PRELID2: variants seen among roughly 807,000 people sequenced by gnomAD.
The protein encoded by PRELID2 is PRELI domain-containing protein 2.
A neutral mutation model predicts 28.4 loss-of-function variants in PRELID2; 25 were observed. The ratio of observed to expected loss-of-function variants is 0.88; its 90% CI spans 0.64 to 1.23. The LOEUF is 1.23. Ranked by LOEUF, PRELID2 falls within the 50% of genes most tolerant of loss-of-function variation. The pLI, the probability that PRELID2 is intolerant of heterozygous loss-of-function variation, is 0.00. For synonymous variants in PRELID2, 76 were observed against 71.6 expected (o/e 1.06, Z -0.31); for missense variants, 201 against 214.4 (o/e 0.94, Z 0.39).
chr5:145,503,117 T>G (rs1752374241), intron 1 of PRELID2, among the ~76,000 whole-genome samples: 1 of 152,082 alleles, frequency 6.6e-6, no homozygotes, highest in African/African-American at 2.4e-5. Context: ...GCTGGGAGAT[T>G]AGTGATAGCA....
At chr5:145,407,887 C>T in the PRELID2 span, among the ~76,000 whole-genome samples, 1 of 152,194 alleles carries the variant, frequency 6.6e-6, no homozygotes, top group Non-Finnish European at 1.5e-5. Context: ...AGGACTCCCA[C>T]AGAGTACACT....
chr5:145,785,240 A>G (rs1056049197), intron 5 of PRELID2, among the ~76,000 whole-genome samples: 1 of 152,198 alleles, frequency 6.6e-6, no homozygotes, highest in Non-Finnish European at 1.5e-5. Context: ...CTGAGAGAGA[A>G]AAGTGTGACT....
chr5:145,305,571 C>T, the PRELID2 span, among the ~76,000 whole-genome samples: 3 of 152,126 alleles, frequency 2.0e-5, no homozygotes, highest in East Asian at 5.8e-4. Context: ...CAACTACTCA[C>T]CAGCATAGTC....
At chr5:145,670,295 CA>C (rs1401354554) in intron 1 of PRELID2, among the ~76,000 whole-genome samples, 4 of 152,026 alleles carry the variant, frequency 2.6e-5, no homozygotes, top group African/African-American at 9.7e-5. Flanking sequence ...CTCTTTTTAA[CA>C]GTCAGATTTC....
At chr5:145,790,092 C>G (rs1452732999) in intron 5 of PRELID2, among the ~76,000 whole-genome samples, 1 of 152,104 alleles carries the variant, frequency 6.6e-6, no homozygotes, top group Non-Finnish European at 1.5e-5. Context: ...TATGAAAGTT[C>G]CTCAAAAAAC....
At chr5:145,283,152 G>T in the PRELID2 span, among the ~76,000 whole-genome samples, 2 of 152,152 alleles carry the variant, frequency 1.3e-5, no homozygotes, top group Non-Finnish European at 2.9e-5. Context: ...TTGGAATGAG[G>T]AAGTCAAAAC....
At chr5:145,774,619 A>T (rs1581176001) in intron 5 of PRELID2, among the ~76,000 whole-genome samples, 1 of 152,176 alleles carries the variant, frequency 6.6e-6, no homozygotes, top group Non-Finnish European at 1.5e-5. Context: ...CCTATAGGAA[A>T]TACCAGCAGG....
intron 1 of PRELID2, among the ~76,000 whole-genome samples, chr5:145,688,951 A>G (rs778172008): frequency 1.3e-5 from 2 of 152,222 alleles, no homozygotes; most frequent in African/African-American, 2.4e-5. Flanking sequence ...TTATTTTAAC[A>G]AAAATAATTG....
At chr5:145,766,325 G>A (rs1295070883) in intron 5 of PRELID2, among the ~76,000 whole-genome samples, 5 of 152,120 alleles carry the variant, frequency 3.3e-5, no homozygotes, top group Non-Finnish European at 5.9e-5. Flanking sequence ...GCAGGCACCA[G>A]AGCTCTATGC....
At chr5:145,427,570 G>A in the PRELID2 span, among the ~76,000 whole-genome samples, 1 of 152,164 alleles carries the variant, frequency 6.6e-6, no homozygotes, top group African/African-American at 2.4e-5. Context: ...ATAGTCAGGT[G>A]CCAGGAGGTA....
chr5:145,478,461 G>T (rs1025527012), intron 1 of PRELID2, among the ~76,000 whole-genome samples: 13 of 152,086 alleles, frequency 8.5e-5, no homozygotes, highest in African/African-American at 3.1e-4. Flanking sequence ...TGAGGCAGGA[G>T]AATCGCTTGA....
At chr5:145,240,850 T>G in the PRELID2 span, among the ~76,000 whole-genome samples, 4 of 151,990 alleles carry the variant, frequency 2.6e-5, no homozygotes, top group Non-Finnish European at 5.9e-5. Context: ...TTAGTGAATA[T>G]TATAGTGATT....
chr5:145,507,089 A>T (rs1752418981), intron 1 of PRELID2, among the ~76,000 whole-genome samples: 1 of 152,308 alleles, frequency 6.6e-6, no homozygotes, highest in South Asian at 2.1e-4. Context: ...GGGCTCAATA[A>T]ATCCTTATAA....
At chr5:145,586,246 A>G (rs1055322164) in intron 1 of PRELID2, among the ~76,000 whole-genome samples, 1 of 152,002 alleles carries the variant, frequency 6.6e-6, no homozygotes, top group African/African-American at 2.4e-5. Flanking sequence ...TTGCATTTCC[A>G]CACCCATTAT....
the PRELID2 span, among the ~76,000 whole-genome samples, chr5:145,444,576 G>A: frequency 1.3e-5 from 2 of 152,000 alleles, no homozygotes; most frequent in Non-Finnish European, 2.9e-5. Flanking sequence ...GCTCTTTCCA[G>A]TTAGAAGACT....
At chr5:145,618,877 C>T (rs1432246476) in intron 1 of PRELID2, among the ~76,000 whole-genome samples, 1 of 152,106 alleles carries the variant, frequency 6.6e-6, no homozygotes, top group Non-Finnish European at 1.5e-5. Flanking sequence ...GGGGGATAGG[C>T]ATGAGGTTCC....
At chr5:145,489,729 A>T (rs528876028) in intron 1 of PRELID2, among the ~76,000 whole-genome samples, 1 of 152,318 alleles carries the variant, frequency 6.6e-6, no homozygotes, top group South Asian at 2.1e-4. Flanking sequence ...CCAGGTTACC[A>T]GGCAACAAGC....
chr5:145,404,281 CTG>C, the PRELID2 span, among the ~76,000 whole-genome samples: 1 of 152,214 alleles, frequency 6.6e-6, no homozygotes, highest in Non-Finnish European at 1.5e-5. Flanking sequence ...TCCGCACACT[CTG>C]TGCACCTCCA....
intron 1 of PRELID2, among the ~76,000 whole-genome samples, chr5:145,560,603 G>A (rs1426920850): frequency 1.3e-5 from 2 of 152,182 alleles, no homozygotes; most frequent in Non-Finnish European, 2.9e-5. Flanking sequence ...TGCTAATACA[G>A]CCTGTCAGCC....
Sources: gnomAD v4.1 joint callset for allele counts (sites outside exome capture counted in the v4.1 genomes callset) on GRCh38, gnomAD v4.1.1 for gene constraint, MANE v1.5 for transcripts, NCBI Gene and HGNC (gene_info 2026-07-23, HGNC 2026-07-21) for gene names.